DNAJC24: variants seen among roughly 807,000 people sequenced by gnomAD.
DNAJC24 encodes the protein DnaJ heat shock protein family (Hsp40) member C24.
In DNAJC24, 17 loss-of-function variants were observed where a neutral mutation model predicts 18.0. The observed-to-expected ratio is 0.94, with a 90% CI of 0.65 to 1.42. The LOEUF is 1.42. DNAJC24 is among the 40% of genes most tolerant of loss of function. The pLI, the probability that DNAJC24 is intolerant of heterozygous loss-of-function variation, is 0.00. For synonymous variants in DNAJC24, 55 were observed against 57.7 expected, an observed-to-expected ratio of 0.95 and a Z score of 0.21; for missense variants, 158 against 175.6, an observed-to-expected ratio of 0.90 and a Z score of 0.57.
rs1952222310 is a variant in DNAJC24, at chr11:31,370,719, A to G, written c.-30A>G. The G allele has an allele frequency of 6.8e-7, 1 of 1,468,460 alleles. No individual in the cohort carries two copies. Among genetic ancestry groups the G allele is most frequent in the Non-Finnish European group, 9.4e-7 (1 of 1,067,424 alleles). 91.0% of individuals were successfully genotyped at this position (1,468,460 alleles called of 1,614,324 possible). A position where few individuals can be genotyped will look rare whatever the true frequency, so the allele number is the denominator to read the frequency against. ...TGTCATTAATATTTCTATTCAGCTA[A>G]TCTGAGAAGGCCCACTTCTGGTTCC... On this transcript the variant is annotated 5_prime_UTR_variant, in exon 2 of 5. Coordinates refer to ENST00000465995, the MANE Select transcript of DNAJC24 (RefSeq NM_181706.5).
At chr11:31,404,167 A>C (rs1169139831) in intron 2 of DNAJC24, among the ~76,000 whole-genome samples, 2 of 152,040 alleles carry the variant, frequency 1.3e-5, no homozygotes, top group African/African-American at 2.4e-5. Flanking sequence ...AACCTGTTTT[A>C]TCAGTGAGGT....
At chr11:31,390,575 G>A (rs560252242) in intron 2 of DNAJC24, among the ~76,000 whole-genome samples, 72 of 149,108 alleles carry the variant, frequency 4.8e-4, no homozygotes, top group African/African-American at 1.6e-3. Flanking sequence ...GCCTGGTGGC[G>A]CATGCCTGTA....
At position 31,405,504 on chromosome 11, in the gene DNAJC24, A is replaced by AT. The variant is rs573199141; in HGVS notation, c.112-9300dup. Among the ~76,000 whole-genome samples the AT allele has an allele frequency of 3.0e-3, 448 of 151,774 alleles. 2 individuals are homozygous for AT. The highest frequency in any genetic ancestry group is 1.0e-2 in the African/African-American group (413 of 41,372). On this transcript the variant is annotated intron_variant, in intron 2 of 4. Coordinates refer to ENST00000465995, the MANE Select transcript of DNAJC24 (RefSeq NM_181706.5). ...CTAATCTTTTTATTTATTTGAGACAATTTTTTTGCATCACCCAGGCTGGAG... is the reference window on the plus strand; with the variant it reads ...CTAATCTTTTTATTTATTTGAGACAATTTTTTTTGCATCACCCAGGCTGGAG...
chr11:31,421,336 GTTGT>G (rs1296854595), intron 3 of DNAJC24, among the ~76,000 whole-genome samples: 1 of 152,158 alleles, frequency 6.6e-6, no homozygotes, highest in African/African-American at 2.4e-5. Flanking sequence ...AGGAAAAACT[GTTGT>G]TTATTTTTAA....
At position 31,431,558 on chromosome 11, in the gene DNAJC24, T is replaced by A. The variant is rs1952924265; in HGVS notation, c.*1157T>A. Reference sequence around the variant, plus strand: ...CAGGCATGGTGGCTCACATCTGTAATCCCAGCACTTTGGGAGACTAAGGCA... The same window carrying A: ...CAGGCATGGTGGCTCACATCTGTAAACCCAGCACTTTGGGAGACTAAGGCA... On this transcript the variant is annotated 3_prime_UTR_variant, in exon 5 of 5. Transcript: ENST00000465995. The A allele has an allele frequency of 6.7e-6, 1 of 150,174 alleles. No homozygotes were observed. The highest frequency in any genetic ancestry group is 2.4e-5 in the African/African-American group (1 of 41,038). The allele number at this position is 150,174 out of a possible 1,614,324, so 9.3% of individuals were successfully genotyped here.
intron 2 of DNAJC24, among the ~76,000 whole-genome samples, chr11:31,386,993 T>C (rs780774191): frequency 6.6e-6 from 1 of 152,092 alleles, no homozygotes; most frequent in Non-Finnish European, 1.5e-5. Flanking sequence ...GTGGTGACCA[T>C]AGGGGAGAGA....
intron 2 of DNAJC24, among the ~76,000 whole-genome samples, chr11:31,399,827 G>A (rs1333836777): frequency 6.8e-6 from 1 of 146,842 alleles, no homozygotes; most frequent in Non-Finnish European, 1.5e-5. Flanking sequence ...ATGTGCCATG[G>A]TGGTTTGCTG....
Position 31,414,980 on chromosome 11 carries a change from A to G in DNAJC24, c.250+31A>G, listed in dbSNP as rs144832808. The G allele has an allele frequency of 3.9e-4, 624 of 1,606,508 alleles. 7 individuals are homozygous for G. The African/African-American group carries it at 7.3e-3, about 19-fold the overall frequency. ...TGCTTGTGTTGAGGAGCCACAGCAC[A>G]TCGGCAACTCTTAGAAGCACACTCT... On this transcript the variant is annotated intron_variant, in intron 3 of 4. Coordinates refer to ENST00000465995, the MANE Select transcript of DNAJC24 (RefSeq NM_181706.5).
chr11:31,398,865 A>T (rs1053664914), intron 2 of DNAJC24, among the ~76,000 whole-genome samples: 5 of 152,172 alleles, frequency 3.3e-5, no homozygotes, highest in African/African-American at 1.2e-4. Context: ...TTTAGCAGGG[A>T]TGACTTTAGT....
chr11:31,402,813 CTTTATAAAG>C (rs1398316587), intron 2 of DNAJC24, among the ~76,000 whole-genome samples: 1 of 152,146 alleles, frequency 6.6e-6, no homozygotes, highest in African/African-American at 2.4e-5. Flanking sequence ...CCTGGTTCCA[CTTTATAAAG>C]TTTATAAAGT....
intron 2 of DNAJC24, chr11:31,396,459 A>C (rs1048276037): frequency 1.5e-5 from 5 of 328,630 alleles, no homozygotes; most frequent in Non-Finnish European, 3.0e-5. Flanking sequence ...ATAACTCAAA[A>C]AGGTTAAGAC....
At chr11:31,395,951 C>G (rs1239496973) in intron 2 of DNAJC24, among the ~76,000 whole-genome samples, 1 of 152,160 alleles carries the variant, frequency 6.6e-6, no homozygotes, top group East Asian at 1.9e-4. Flanking sequence ...TTTCCCCTTT[C>G]CATTAGCTTT....
rs182458993 is a variant in DNAJC24 at position 31,374,638 on chromosome 11, A to C, written c.111+3779A>C. ...AAAATGAATTGTGATTTCTGGCTTT[A>C]TAGTGAGGAAGAGAGGTGGAGGGCT... On this transcript the variant is annotated intron_variant, in intron 2 of 4. Coordinates refer to ENST00000465995, the MANE Select transcript of DNAJC24 (RefSeq NM_181706.5). Among the ~76,000 whole-genome samples, 42 of 134,936 alleles carry C rather than the reference A, an allele frequency of 3.1e-4. 4 individuals carry two copies. In the East Asian group the frequency reaches 7.6e-3, roughly 24 times the overall value. 88.5% of individuals were successfully genotyped at this position (134,936 alleles called of 152,430 possible).
intron 3 of DNAJC24, among the ~76,000 whole-genome samples, chr11:31,423,500 A>T (rs1406872239): frequency 1.3e-5 from 2 of 152,118 alleles, no homozygotes; most frequent in Non-Finnish European, 2.9e-5. Context: ...ACCTCAGGTG[A>T]TCCACCCGCC....
rs593312 is a variant in DNAJC24, at chr11:31,394,834, T to C, written c.112-19977T>C. ...AGAAAGCAGAAGGGAGGAATTGATA[T>C]GAAGGTAAAAGCAAAAATCATGCAT... On this transcript the variant is annotated intron_variant, in intron 2 of 4. Coordinates refer to ENST00000465995, the MANE Select transcript of DNAJC24 (RefSeq NM_181706.5). 5.8e-3 allele frequency among the ~76,000 whole-genome samples: 880 copies of C among 152,086 alleles called. 3 individuals carry two copies. The highest frequency in any genetic ancestry group is 8.8e-3 in the Admixed American group (134 of 15,262).
In DNAJC24 at chr11:31,402,694, G is replaced by C. The variant is rs116004153; in HGVS notation, c.112-12117G>C. ...TAGCTAATCTTGTAATTATTTTGTAGAGATGAGCTCTCACTACCTTGCTCA... is the reference window on the plus strand; with the variant it reads ...TAGCTAATCTTGTAATTATTTTGTACAGATGAGCTCTCACTACCTTGCTCA... On this transcript the variant is annotated intron_variant, in intron 2 of 4. Transcript: ENST00000465995. Among the ~76,000 whole-genome samples the C allele has an allele frequency of 5.8e-3, 888 of 152,190 alleles. 8 individuals carry two copies. Among genetic ancestry groups the C allele is most frequent in the African/African-American group, 0.02 (839 of 41,520 alleles).
intron 4 of DNAJC24, chr11:31,426,752 T>A (rs1952866271): frequency 6.5e-6 from 1 of 154,442 alleles, no homozygotes; most frequent in Non-Finnish European, 1.4e-5. Flanking sequence ...TTAGAATTTT[T>A]ATTTTCCCTT....
Position 31,430,468 on chromosome 11 carries a change from TCCATTCAA to T in DNAJC24, c.*68_*75del, listed in dbSNP as rs1952910549. The T allele has an allele frequency of 1.4e-5, 20 of 1,419,098 alleles. No homozygotes were observed. The highest frequency in any genetic ancestry group is 1.9e-5 in the Non-Finnish European group (20 of 1,058,142). 87.9% of individuals were successfully genotyped at this position (1,419,098 alleles called of 1,614,324 possible). On this transcript the variant is annotated 3_prime_UTR_variant, in exon 5 of 5. Transcript: ENST00000465995. ...CATGATGAGAAGCCGTTGAGCTTTG[TCCATTCAA>T]GGAAATGGATTATTTGTCAGCCCGA...
intron 2 of DNAJC24, among the ~76,000 whole-genome samples, chr11:31,383,703 AT>A (rs1295451312): frequency 6.6e-6 from 1 of 152,222 alleles, no homozygotes; most frequent in Non-Finnish European, 1.5e-5. Flanking sequence ...TGGAAAAGAA[AT>A]GCCCCCCGGA....
Sources: gnomAD v4.1 joint callset for allele counts (sites outside exome capture counted in the v4.1 genomes callset) on GRCh38, gnomAD v4.1.1 for gene constraint, MANE v1.5 for transcripts, NCBI Gene and HGNC (gene_info 2026-07-23, HGNC 2026-07-21) for gene names.